The following SYT9 variants were observed in gnomAD, a reference collection of about 807,000 sequenced individuals.
The protein encoded by SYT9 is synaptotagmin 9.
SYT9 carries 22 observed loss-of-function variants against 48.4 expected under a neutral mutation model. That is an observed-to-expected ratio of 0.45 (90% CI 0.32 to 0.65). The LOEUF is 0.65. Ranked by LOEUF, SYT9 falls within the 30% of genes least tolerant of loss-of-function variation. The probability of loss-of-function intolerance (pLI) is 0.03; values close to 1 mark genes in which losing one functional copy is unlikely to be tolerated. For missense variants in SYT9, 577 were observed against 622.0 expected (o/e 0.93, Z 0.77); for synonymous variants, 265 against 245.0 (o/e 1.08, Z -0.76).
At chr11:7,328,545 G>A (rs10769779) in intron 3 of SYT9, among the ~76,000 whole-genome samples, 65,800 of 151,852 alleles carry the variant, frequency 0.43, 15,045 homozygotes, top group East Asian at 0.91. Context: ...TTTGACTCCA[G>A]TTACCTCCAT....
intron 3 of SYT9, among the ~76,000 whole-genome samples, chr11:7,393,952 TTC>T (rs1846691905): frequency 2.9e-5 from 1 of 35,086 alleles, no homozygotes. Flanking sequence ...CCATTGTCAT[TTC>T]TTTTTCTTTT....
At chr11:7,286,684 T>G (rs1848600799) in intron 1 of SYT9, among the ~76,000 whole-genome samples, 1 of 152,192 alleles carries the variant, frequency 6.6e-6, no homozygotes, top group African/African-American at 2.4e-5. Context: ...ACTTAGATGT[T>G]TATTCCACCA....
At chr11:7,367,045 T>C (rs1366222206) in intron 3 of SYT9, among the ~76,000 whole-genome samples, 1 of 148,702 alleles carries the variant, frequency 6.7e-6, no homozygotes, top group Admixed American at 6.7e-5. Flanking sequence ...TGCCCTCTTA[T>C]CATTACCCTT....
At chr11:7,423,897 A>G (rs184722745) in intron 6 of SYT9, among the ~76,000 whole-genome samples, 114 of 152,304 alleles carry the variant, frequency 7.5e-4, no homozygotes, top group Non-Finnish European at 6.9e-4. Flanking sequence ...AACCTTTTAA[A>G]TGTCTTCTTT....
In SYT9 at chr11:7,420,507, G is replaced by A. The variant is rs571404172; in HGVS notation, c.1339G>A (p.Val447Ile). 59 of 1,614,156 alleles carry A rather than the reference G, an allele frequency of 3.7e-5. 1 individual carries two copies. In the South Asian group the frequency reaches 5.1e-4, roughly 14 times the overall value. The change falls in exon 6 of 7, where the codon GTA becomes ATA. Residue 447 changes from valine (V) to isoleucine (I), a missense_variant and splice_region_variant. Coordinates refer to ENST00000318881, the MANE Select transcript of SYT9 (RefSeq NM_175733.4). ...LSIAVMDYDR[V>I]GHNEIIGVCQ... ...AACTATTGTGGGCCATTTTCACAGT[G>A]TAGGTCACAATGAGATCATCGGCGT...
upstream of SYT9, among the ~76,000 whole-genome samples, chr11:7,250,529 C>A (rs532165480): frequency 6.7e-6 from 1 of 149,540 alleles, no homozygotes; most frequent in Admixed American, 6.8e-5. Context: ...GGGGTTCCCC[C>A]CTTTGAAGAA....
chr11:7,440,079 T>C (rs1847800759), intron 6 of SYT9: 1 of 152,240 alleles, frequency 6.6e-6, no homozygotes, highest in Admixed American at 6.5e-5. Flanking sequence ...AGACTCTCAC[T>C]GAACTGCCTT....
chr11:7,411,885 T>C (rs946356081), intron 3 of SYT9, among the ~76,000 whole-genome samples: 2 of 152,218 alleles, frequency 1.3e-5, no homozygotes, highest in Middle Eastern at 3.2e-3. Context: ...CACAAAGCCT[T>C]TCTCATTCTT....
chr11:7,385,503 G>A (rs1278899516), intron 3 of SYT9, among the ~76,000 whole-genome samples: 1 of 151,920 alleles, frequency 6.6e-6, no homozygotes, highest in Non-Finnish European at 1.5e-5. Context: ...CAGTGGTGTA[G>A]GAAGGCAAAT....
chr11:7,408,194 T>A (rs1427521503), intron 3 of SYT9, among the ~76,000 whole-genome samples: 1 of 152,188 alleles, frequency 6.6e-6, no homozygotes, highest in Non-Finnish European at 1.5e-5. Flanking sequence ...AATGGCATGA[T>A]CTCTGCTTAC....
intron 1 of SYT9, among the ~76,000 whole-genome samples, chr11:7,270,039 A>G (rs2133884953): frequency 6.6e-6 from 1 of 152,336 alleles, no homozygotes; most frequent in East Asian, 1.9e-4. Context: ...ACAATGAATG[A>G]TAGAGAATTA....
intron 1 of SYT9, among the ~76,000 whole-genome samples, chr11:7,282,064 T>C (rs7949289): frequency 0.015 from 2,214 of 152,296 alleles, 52 homozygotes; most frequent in African/African-American, 0.048. Context: ...GCTGTGGACA[T>C]TGGCCATGAC....
At chr11:7,457,560 T>A (rs1848170376) in intron 6 of SYT9, 1 of 152,210 alleles carries the variant, frequency 6.6e-6, no homozygotes, top group Non-Finnish European at 1.5e-5. Flanking sequence ...TTTACAAGTT[T>A]TACTTACTGA....
At chr11:7,460,080 G>A (rs1228358754) in intron 6 of SYT9, among the ~76,000 whole-genome samples, 2 of 152,066 alleles carry the variant, frequency 1.3e-5, no homozygotes, top group Admixed American at 6.6e-5. Flanking sequence ...CTGTAGAACA[G>A]GAATAAAAGT....
chr11:7,244,801 AG>A (rs1847774808), intron 1 of SYT9, among the ~76,000 whole-genome samples: 1 of 152,188 alleles, frequency 6.6e-6, no homozygotes, highest in Non-Finnish European at 1.5e-5. Context: ...TCACAGGAAC[AG>A]GGGTAAGGAT....
chr11:7,311,035 G>T (rs1448022917), intron 2 of SYT9, among the ~76,000 whole-genome samples: 1 of 152,174 alleles, frequency 6.6e-6, no homozygotes, highest in Admixed American at 6.5e-5. Context: ...AGGCACAGTG[G>T]CTAACGCCTG....
At chr11:7,250,725 G>A (rs1006513020), upstream of SYT9, among the ~76,000 whole-genome samples, 20 of 152,034 alleles carry the variant, frequency 1.3e-4, no homozygotes, top group African/African-American at 3.9e-4. Context: ...TGCCTGTTGC[G>A]TGAGCATTCT....
chr11:7,364,454 A>G (rs765717615), intron 3 of SYT9, among the ~76,000 whole-genome samples: 9 of 152,212 alleles, frequency 5.9e-5, no homozygotes, highest in Non-Finnish European at 1.2e-4. Flanking sequence ...AAAAAATCCA[A>G]TAATGTGATT....
At chr11:7,420,422 A>T (rs1847329908) in intron 5 of SYT9, 84 bp from the exon 6 acceptor site, 2 of 1,445,906 alleles carry the variant, frequency 1.4e-6, no homozygotes, top group Non-Finnish European at 1.9e-6. Flanking sequence ...CCACATCCCC[A>T]ATTCCTTCAT....
Sources: allele counts gnomAD v4.1 joint callset (sites outside exome capture counted in the v4.1 genomes callset), GRCh38; gene constraint gnomAD v4.1.1; transcripts MANE v1.5; gene names NCBI Gene and HGNC (gene_info 2026-07-23, HGNC 2026-07-21).